The following ZDHHC20 variants were observed in gnomAD, a reference collection of about 807,000 sequenced individuals.
The protein encoded by ZDHHC20 is palmitoyltransferase ZDHHC20.
Under a neutral mutation model 57.8 loss-of-function variants are expected in ZDHHC20, and 43 were observed. The ratio of observed to expected loss-of-function variants is 0.74; its 90% CI spans 0.58 to 0.96. The LOEUF is 0.96. ZDHHC20 is among the 40% of genes least tolerant of loss of function. The pLI is 0.00. For synonymous variants in ZDHHC20, 157 were observed against 153.0 expected, an observed-to-expected ratio of 1.03 and a Z score of -0.19; for missense variants, 391 against 441.1, an observed-to-expected ratio of 0.89 and a Z score of 1.02.
intron 4 of ZDHHC20, among the ~76,000 whole-genome samples, chr13:21,405,324 A>G (rs1289592216): frequency 1.3e-5 from 2 of 152,236 alleles, no homozygotes; most frequent in East Asian, 3.8e-4. Context: ...TACATAATTT[A>G]ATTGACTTTT....
At chr13:21,441,363 T>C (rs1883131914) in intron 1 of ZDHHC20, among the ~76,000 whole-genome samples, 1 of 151,630 alleles carries the variant, frequency 6.6e-6, no homozygotes, top group South Asian at 2.1e-4. Context: ...ATATGGATAG[T>C]TCTCTTCCAC....
At chr13:21,447,891 G>GGCA in intron 1 of ZDHHC20, among the ~76,000 whole-genome samples, 1 of 114,406 alleles carries the variant, frequency 8.7e-6, no homozygotes, top group Non-Finnish European at 2.0e-5. Context: ...GTCTCTGCCC[G>GGCA]GCCGCCCATC....
intron 1 of ZDHHC20, among the ~76,000 whole-genome samples, chr13:21,440,565 C>G (rs1167641788): frequency 6.6e-6 from 1 of 152,066 alleles, no homozygotes; most frequent in Non-Finnish European, 1.5e-5. Context: ...GAGCCGAGAT[C>G]ATGCCATTGC....
At chr13:21,435,406 A>G (rs2137976681) in intron 1 of ZDHHC20, among the ~76,000 whole-genome samples, 1 of 152,312 alleles carries the variant, frequency 6.6e-6, no homozygotes, top group South Asian at 2.1e-4. Flanking sequence ...GTATCAAACA[A>G]TGCTGAAATA....
chr13:21,420,840 T>C (rs548868172), intron 3 of ZDHHC20, among the ~76,000 whole-genome samples: 20 of 152,238 alleles, frequency 1.3e-4, no homozygotes, highest in African/African-American at 4.6e-4. Context: ...GGCAGAAAAA[T>C]AGTAAGCATT....
intron 10 of ZDHHC20, 81 bp downstream of exon 10, chr13:21,382,839 T>TA: frequency 8.6e-7 from 1 of 1,163,944 alleles, no homozygotes; most frequent in Admixed American, 2.2e-5. Context: ...CTACTGTATT[T>TA]ACTCATAAGA....
intron 1 of ZDHHC20, among the ~76,000 whole-genome samples, chr13:21,448,127 A>G (rs1330188335): frequency 8.3e-6 from 1 of 120,598 alleles, no homozygotes. Context: ...TCCGCCCGGC[A>G]GCCACCCCAT....
At chr13:21,404,204 T>C (rs1878118946) in intron 4 of ZDHHC20, 1 of 437,106 alleles carries the variant, frequency 2.3e-6, no homozygotes, top group Non-Finnish European at 4.6e-6. Flanking sequence ...AATACATTTA[T>C]GACTGGGTGC....
At chr13:21,458,993 G>C in intron 1 of ZDHHC20, 61 bp downstream of exon 1, 2 of 1,336,502 alleles carry the variant, frequency 1.5e-6, no homozygotes, top group Non-Finnish European at 2.1e-6. Flanking sequence ...GGGCGCAGAG[G>C]CCTATCTCGC....
chr13:21,389,448 ATATAG>A (rs1875234283), intron 8 of ZDHHC20, among the ~76,000 whole-genome samples: 1 of 152,222 alleles, frequency 6.6e-6, no homozygotes, highest in Non-Finnish European at 1.5e-5. Flanking sequence ...AATATACTGC[ATATAG>A]TAGAGATTAA....
At chr13:21,388,938 G>A (rs746518069) in intron 8 of ZDHHC20, among the ~76,000 whole-genome samples, 21 of 152,146 alleles carry the variant, frequency 1.4e-4, no homozygotes, top group Non-Finnish European at 2.6e-4. Context: ...ACATGGGTGA[G>A]AAATAAAACC....
chr13:21,395,800 C>G (rs1876691304), intron 7 of ZDHHC20, among the ~76,000 whole-genome samples: 1 of 152,080 alleles, frequency 6.6e-6, no homozygotes, highest in Non-Finnish European at 1.5e-5. Context: ...GCGCCCCAAC[C>G]CTATTTTCTT....
chr13:21,432,972 A>G (rs1036797492), intron 1 of ZDHHC20, among the ~76,000 whole-genome samples: 41 of 152,206 alleles, frequency 2.7e-4, no homozygotes, highest in African/African-American at 9.4e-4. Flanking sequence ...ATTTTGTTCC[A>G]CTGGTCTATA....
Position 21,375,400 on chromosome 13 carries a change from A to G in ZDHHC20, c.*1296T>C, listed in dbSNP as rs1269979753. On this transcript the variant is annotated 3_prime_UTR_variant, in exon 13 of 13. Transcript: ENST00000400590. ...CTAAAAGGTGTAAATGAGGAGTGAC[A>G]TTTCTACATTGTTTATTCTGTACTT... 3 of 314,064 alleles carry G rather than the reference A, an allele frequency of 9.6e-6. No individual in the cohort carries two copies. The highest frequency in any genetic ancestry group is 1.1e-4 in the East Asian group (1 of 9,456). The allele number at this position is 314,064 out of a possible 1,614,324, so 19.5% of individuals were successfully genotyped here.
intron 11 of ZDHHC20, among the ~76,000 whole-genome samples, chr13:21,379,668 A>AG (rs1326519701): frequency 1.3e-5 from 2 of 152,144 alleles, no homozygotes; most frequent in African/African-American, 2.4e-5. Flanking sequence ...CTGTAATGCT[A>AG]GTTAAGTAGC....
At chr13:21,389,626 C>T (rs1430692111) in intron 8 of ZDHHC20, among the ~76,000 whole-genome samples, 1 of 152,056 alleles carries the variant, frequency 6.6e-6, no homozygotes, top group Non-Finnish European at 1.5e-5. Context: ...CTAGAAATGC[C>T]AATCTCTCAC....
In ZDHHC20 at chr13:21,391,840, ATC is replaced by A; in HGVS notation, c.607_608del (p.Asp203TyrfsTer36). Reference protein sequence around the residue: ...FIKFWTNELTDTRAKFHVLFL... With the variant: ...FIKFWTNELTXTRAKFHVLFL... ...AAAGTACGTGGAATTTTGCACGTGT[ATC>A]TGTCAGTTCATTCTGAGGAAAAAAA... On this transcript the variant is annotated frameshift_variant, in exon 8 of 13. Coordinates refer to ENST00000400590, the MANE Select transcript of ZDHHC20 (RefSeq NM_001330059.2). LOFTEE classifies it high-confidence loss of function. The A allele has an allele frequency of 1.2e-6, 2 of 1,611,470 alleles. No homozygotes were observed.
At chr13:21,387,277 C>T (rs1472736535) in intron 9 of ZDHHC20, among the ~76,000 whole-genome samples, 1 of 152,022 alleles carries the variant, frequency 6.6e-6, no homozygotes, top group African/African-American at 2.4e-5. Context: ...TTTAGTGAAT[C>T]ATCTTTTTCT....
At chr13:21,454,753 T>C (rs531035969) in intron 1 of ZDHHC20, among the ~76,000 whole-genome samples, 1 of 152,332 alleles carries the variant, frequency 6.6e-6, no homozygotes, top group East Asian at 1.9e-4. Context: ...CTTAAGTTAT[T>C]TATCTTAATC....
Sources: gnomAD v4.1 joint callset for allele counts (sites outside exome capture counted in the v4.1 genomes callset) on GRCh38, gnomAD v4.1.1 for gene constraint, MANE v1.5 for transcripts, NCBI Gene and HGNC (gene_info 2026-07-23, HGNC 2026-07-21) for gene names.